TCERG1L: variants seen among roughly 807,000 people sequenced by gnomAD.
TCERG1L encodes the protein transcription elongation regulator 1-like protein.
Under a neutral mutation model 56.3 loss-of-function variants are expected in TCERG1L, and 37 were observed. That is an observed-to-expected ratio of 0.66 (90% CI 0.51 to 0.87). The LOEUF (loss-of-function observed/expected upper bound fraction) is 0.87, where lower values mean the gene tolerates loss of function less well. Ranked by LOEUF, TCERG1L falls within the 40% of genes least tolerant of loss-of-function variation. The pLI, the probability that TCERG1L is intolerant of heterozygous loss-of-function variation, is 0.00. For missense variants in TCERG1L, 799 were observed against 774.2 expected, an observed-to-expected ratio of 1.03 and a Z score of -0.38; for synonymous variants, 324 against 326.3, an observed-to-expected ratio of 0.99 and a Z score of 0.08.
chr10:131,218,709 C>G (rs1201112377), intron 4 of TCERG1L, among the ~76,000 whole-genome samples: 1 of 152,136 alleles, frequency 6.6e-6, no homozygotes, highest in Admixed American at 6.5e-5. Flanking sequence ...CCTGAGCCAC[C>G]GGGAATCATC....
At chr10:131,239,772 C>A (rs371937738) in intron 4 of TCERG1L, among the ~76,000 whole-genome samples, 1 of 152,210 alleles carries the variant, frequency 6.6e-6, no homozygotes, top group Admixed American at 6.5e-5. Context: ...TAAAGGGGAT[C>A]GTATCCTTTT....
chr10:131,181,619 A>T (rs1845176428), intron 4 of TCERG1L, among the ~76,000 whole-genome samples: 1 of 152,254 alleles, frequency 6.6e-6, no homozygotes, highest in Non-Finnish European at 1.5e-5. Flanking sequence ...AGCCAGCCTC[A>T]TCTGCTGCCA....
chr10:131,255,849 G>A (rs1255699848), intron 4 of TCERG1L, among the ~76,000 whole-genome samples: 5 of 152,154 alleles, frequency 3.3e-5, no homozygotes, highest in South Asian at 2.1e-4. Flanking sequence ...CCCAACAGTG[G>A]GAAAGTCTGC....
intron 3 of TCERG1L, among the ~76,000 whole-genome samples, chr10:131,273,202 G>A (rs1846356872): frequency 6.6e-6 from 1 of 152,088 alleles, no homozygotes; most frequent in Admixed American, 6.5e-5. Flanking sequence ...CCCAGGGGCT[G>A]CCCGTGTAGA....
chr10:131,108,679 T>G (rs1352994995), intron 9 of TCERG1L, among the ~76,000 whole-genome samples: 1 of 152,176 alleles, frequency 6.6e-6, no homozygotes, highest in Non-Finnish European at 1.5e-5. Flanking sequence ...CCCTGGGCTG[T>G]GTGGGTCCTG....
chr10:131,255,687 T>C (rs905986428), intron 4 of TCERG1L, among the ~76,000 whole-genome samples: 7 of 152,182 alleles, frequency 4.6e-5, no homozygotes, highest in African/African-American at 1.4e-4. Flanking sequence ...ACGGCTAACG[T>C]AGTTAAAGTC....
At chr10:131,234,646 A>T (rs1433764359) in intron 4 of TCERG1L, among the ~76,000 whole-genome samples, 1 of 152,166 alleles carries the variant, frequency 6.6e-6, no homozygotes, top group African/African-American at 2.4e-5. Flanking sequence ...GTCGTTGAGA[A>T]GCATGTGTGG....
At chr10:131,199,553 A>T (rs1485840568) in intron 4 of TCERG1L, among the ~76,000 whole-genome samples, 1 of 147,470 alleles carries the variant, frequency 6.8e-6, no homozygotes, top group Non-Finnish European at 1.5e-5. Context: ...GCTGAGAAAG[A>T]AAATAAACTT....
At chr10:131,143,070 C>A (rs77020834) in intron 7 of TCERG1L, among the ~76,000 whole-genome samples, 3 of 152,186 alleles carry the variant, frequency 2.0e-5, no homozygotes, top group Non-Finnish European at 2.9e-5. Context: ...CACAGCCCTG[C>A]CGATGCCAGT....
chr10:131,147,803 C>T (rs930715152), intron 6 of TCERG1L, among the ~76,000 whole-genome samples: 2 of 152,250 alleles, frequency 1.3e-5, no homozygotes, highest in African/African-American at 2.4e-5. Flanking sequence ...ACGGCCTAGG[C>T]CCCCGGTAGC....
chr10:131,157,081 C>T lies in TCERG1L; in HGVS notation c.1034+6041G>A, dbSNP rs150198607. Among the ~76,000 whole-genome samples, 365 of 152,244 alleles carry T rather than the reference C, an allele frequency of 2.4e-3. 2 individuals are homozygous for T. In the South Asian group the frequency reaches 0.028, roughly 12 times the overall value. ...ACCTACTAACATCAGAGGAATGCACCGTACTCATTTTGATAATCCGCCCCA... is the reference window on the plus strand; with the variant it reads ...ACCTACTAACATCAGAGGAATGCACTGTACTCATTTTGATAATCCGCCCCA... On this transcript the variant is annotated intron_variant, in intron 6 of 11. Transcript: ENST00000368642.
chr10:131,123,752 C>T (rs575877164), intron 8 of TCERG1L, among the ~76,000 whole-genome samples: 3 of 152,248 alleles, frequency 2.0e-5, no homozygotes, highest in Non-Finnish European at 4.4e-5. Flanking sequence ...TGGTAGCACC[C>T]GGGGAGCCAG....
chr10:131,301,424 T>C (rs1846760865), intron 3 of TCERG1L, among the ~76,000 whole-genome samples: 1 of 152,088 alleles, frequency 6.6e-6, no homozygotes, highest in South Asian at 2.1e-4. Context: ...TACTCACATA[T>C]ATCCTAAAGG....
chr10:131,169,682 G>A (rs1167211722), intron 4 of TCERG1L, among the ~76,000 whole-genome samples: 1 of 152,116 alleles, frequency 6.6e-6, no homozygotes, highest in African/African-American at 2.4e-5. Context: ...TTAATTATAT[G>A]CCACACACTC....
chr10:131,224,766 C>T (rs1322820094), intron 4 of TCERG1L, among the ~76,000 whole-genome samples: 1 of 151,142 alleles, frequency 6.6e-6, no homozygotes, highest in Non-Finnish European at 1.5e-5. Context: ...ACCCCCTACT[C>T]TCCCAGATAA....
chr10:131,216,965 T>C (rs1053653645), intron 4 of TCERG1L, among the ~76,000 whole-genome samples: 1 of 152,138 alleles, frequency 6.6e-6, no homozygotes, highest in Non-Finnish European at 1.5e-5. Context: ...CCATGGCTCA[T>C]CCCTTCTGGC....
At chr10:131,126,852 CT>C (rs1777952940) in intron 8 of TCERG1L, among the ~76,000 whole-genome samples, 1 of 152,212 alleles carries the variant, frequency 6.6e-6, no homozygotes, top group African/African-American at 2.4e-5. Flanking sequence ...AGCTCTCAAC[CT>C]GAGATCTTGG....
chr10:131,179,846 C>A (rs926240667), intron 4 of TCERG1L, among the ~76,000 whole-genome samples: 3 of 152,162 alleles, frequency 2.0e-5, no homozygotes, highest in Admixed American at 2.0e-4. Flanking sequence ...CCCCCTGATT[C>A]CCCGCACCCA....
chr10:131,098,470 AG>A, intron 10 of TCERG1L, 46 bp from the exon 11 acceptor site: 1 of 1,519,448 alleles, frequency 6.6e-7, no homozygotes, highest in Non-Finnish European at 8.8e-7. Flanking sequence ...ATTGCATATC[AG>A]AAATGAAATC....
Sources: allele counts gnomAD v4.1 joint callset (sites outside exome capture counted in the v4.1 genomes callset), GRCh38; gene constraint gnomAD v4.1.1; transcripts MANE v1.5; gene names NCBI Gene and HGNC (gene_info 2026-07-23, HGNC 2026-07-21).